Variants in ADGRB3 observed in about 807,000 individuals in gnomAD.
The protein encoded by ADGRB3 is adhesion G protein-coupled receptor B3, also known as brain-specific angiogenesis inhibitor 3.
A neutral mutation model predicts 193.4 loss-of-function variants in ADGRB3; 37 were observed. The observed-to-expected ratio is 0.19, with a 90% CI of 0.15 to 0.25. The LOEUF is 0.25. ADGRB3 is among the 10% of genes least tolerant of loss of function. The pLI is 1.00. For missense variants in ADGRB3, 1,637 were observed against 1,852.9 expected (o/e 0.88, Z 2.14); for synonymous variants, 690 against 644.2 (o/e 1.07, Z -1.08).
At chr6:69,049,556 C>T (rs1771334083) in intron 15 of ADGRB3, among the ~76,000 whole-genome samples, 1 of 151,886 alleles carries the variant, frequency 6.6e-6, no homozygotes, top group Admixed American at 6.6e-5. Flanking sequence ...TGACTGTAGC[C>T]CTGCAAATTC....
At chr6:69,125,755 T>C (rs1334283682) in intron 17 of ADGRB3, among the ~76,000 whole-genome samples, 2 of 152,242 alleles carry the variant, frequency 1.3e-5, no homozygotes, top group East Asian at 1.9e-4. Context: ...TTATTTAATT[T>C]ATTTAATGAA....
At chr6:69,024,420 G>A (rs1770365740) in intron 13 of ADGRB3, among the ~76,000 whole-genome samples, 2 of 152,152 alleles carry the variant, frequency 1.3e-5, no homozygotes, top group Admixed American at 1.3e-4. Flanking sequence ...AGCTCTTTAT[G>A]TGGTTTCAAT....
chr6:69,220,592 T>C (rs189721182), intron 17 of ADGRB3, among the ~76,000 whole-genome samples: 52 of 152,200 alleles, frequency 3.4e-4, no homozygotes, highest in Non-Finnish European at 6.2e-4. Flanking sequence ...CTCACTAAGA[T>C]AGAATCACCT....
At chr6:69,022,724 G>T (rs922167044) in intron 13 of ADGRB3, among the ~76,000 whole-genome samples, 5 of 151,844 alleles carry the variant, frequency 3.3e-5, no homozygotes, top group African/African-American at 1.2e-4. Context: ...AAAGTATTTG[G>T]ATTTCTTTTG....
At chr6:68,958,763 C>A (rs1768147701) in intron 8 of ADGRB3, among the ~76,000 whole-genome samples, 1 of 151,614 alleles carries the variant, frequency 6.6e-6, no homozygotes, top group South Asian at 2.1e-4. Context: ...ATGAAAATAA[C>A]CATAAATTAC....
At chr6:69,147,608 T>C (rs1054871531) in intron 17 of ADGRB3, among the ~76,000 whole-genome samples, 4 of 152,208 alleles carry the variant, frequency 2.6e-5, no homozygotes, top group Admixed American at 1.3e-4. Context: ...AAGAAGAATG[T>C]GCATTCTGCA....
chr6:68,856,826 G>C (rs1988054), intron 3 of ADGRB3, among the ~76,000 whole-genome samples: 133,043 of 152,228 alleles, frequency 0.87, 58,399 homozygotes, highest in Middle Eastern at 0.95. Flanking sequence ...CAGAGGTCTT[G>C]ACAGCAGCCC....
At chr6:69,030,956 T>TTTTCTTTTC (rs58901577) in intron 13 of ADGRB3, among the ~76,000 whole-genome samples, 3,260 of 72,460 alleles carry the variant, frequency 0.045, 916 homozygotes, top group African/African-American at 0.11. Flanking sequence ...TTCTTTTCTT[T>TTTTCTTTTC]TTTTCTTTTC....
At chr6:69,377,685 A>G (rs1769858724) in intron 30 of ADGRB3, among the ~76,000 whole-genome samples, 1 of 152,070 alleles carries the variant, frequency 6.6e-6, no homozygotes, top group Non-Finnish European at 1.5e-5. Context: ...AGATTCTCCA[A>G]CTTTCTCTAA....
In ADGRB3 at chr6:68,638,763, T is replaced by G; in HGVS notation, c.88T>G (p.Cys30Gly). ...ATTTAATGCTGCCCAAGACTTCTGG[T>G]GTTCAACTTTGGTGAAGGGAGTCAT... ...FGFNAAQDFW[C>G]STLVKGVIYG... Residue 30 changes from cysteine (C) to glycine (G), a missense_variant, in exon 3 of 32, where the codon TGT (cysteine) becomes GGT (glycine). Coordinates refer to ENST00000370598, the MANE Select transcript of ADGRB3 (RefSeq NM_001704.3). The G allele has an allele frequency of 1.2e-6, 2 of 1,614,166 alleles. No individual in the cohort carries two copies. Among genetic ancestry groups the G allele is most frequent in the Non-Finnish European group, 1.7e-6 (2 of 1,180,020 alleles).
intron 3 of ADGRB3, among the ~76,000 whole-genome samples, chr6:68,788,964 C>G (rs1302886881): frequency 6.6e-6 from 1 of 152,172 alleles, no homozygotes; most frequent in Non-Finnish European, 1.5e-5. Context: ...TTAGCAGAGA[C>G]TGGGATTGCA....
chr6:69,306,041 T>G (rs991615706), intron 20 of ADGRB3, among the ~76,000 whole-genome samples: 3 of 151,534 alleles, frequency 2.0e-5, no homozygotes, highest in African/African-American at 4.9e-5. Flanking sequence ...ATAGATTATA[T>G]GCAAATACTA....
intron 3 of ADGRB3, among the ~76,000 whole-genome samples, chr6:68,694,900 A>G (rs961116024): frequency 2.0e-5 from 3 of 151,878 alleles, no homozygotes; most frequent in Non-Finnish European, 4.4e-5. Context: ...TTATGTCTCT[A>G]TGGGTTTAGG....
At chr6:69,020,678 A>G (rs1770237437) in intron 13 of ADGRB3, among the ~76,000 whole-genome samples, 2 of 151,932 alleles carry the variant, frequency 1.3e-5, no homozygotes, top group Non-Finnish European at 2.9e-5. Flanking sequence ...AATTATCCAT[A>G]TTAAAAGTTA....
At chr6:69,278,477 TC>T (rs200295132) in intron 20 of ADGRB3, among the ~76,000 whole-genome samples, 7 of 152,090 alleles carry the variant, frequency 4.6e-5, no homozygotes, top group African/African-American at 7.2e-5. Context: ...TGTACATTAT[TC>T]CCCCCCATTG....
chr6:68,651,977 G>T lies in ADGRB3; in HGVS notation c.757+12545G>T, dbSNP rs553649501. 3.9e-5 allele frequency among the ~76,000 whole-genome samples: 6 copies of T among 152,126 alleles called. No homozygotes were observed. The South Asian group carries it at 1.2e-3, about 32-fold the overall frequency. ...TGTCAGTTTGTTCCTACTGTGTTTT[G>T]CTTAGAACAAAATTCATAATTTATC... On this transcript the variant is annotated intron_variant, in intron 3 of 31. Transcript: ENST00000370598.
Position 68,700,856 on chromosome 6 carries a change from G to T in ADGRB3, c.757+61424G>T, listed in dbSNP as rs533852111. 1.7e-4 allele frequency among the ~76,000 whole-genome samples: 25 copies of T among 151,010 alleles called. No individual in the cohort carries two copies. The South Asian group carries it at 4.9e-3, about 29-fold the overall frequency. On this transcript the variant is annotated intron_variant, in intron 3 of 31. Coordinates refer to ENST00000370598, the MANE Select transcript of ADGRB3 (RefSeq NM_001704.3). ...GGAGGGGGGAGGGATAGCATTAGGAGATATACCTAATGTAAATGATGAGTT... is the reference window on the plus strand; with the variant it reads ...GGAGGGGGGAGGGATAGCATTAGGATATATACCTAATGTAAATGATGAGTT...
At chr6:69,230,937 A>G (rs992007212) in intron 17 of ADGRB3, among the ~76,000 whole-genome samples, 1 of 152,238 alleles carries the variant, frequency 6.6e-6, no homozygotes, top group African/African-American at 2.4e-5. Flanking sequence ...AGTGAGGGGA[A>G]TATAGTTCTA....
At chr6:69,326,482 G>T (rs143956704) in intron 21 of ADGRB3, among the ~76,000 whole-genome samples, 131 of 152,194 alleles carry the variant, frequency 8.6e-4, no homozygotes, top group African/African-American at 3.0e-3. Flanking sequence ...TATTACTAAA[G>T]ATTTTGAGGA....
Sources: allele counts gnomAD v4.1 joint callset (sites outside exome capture counted in the v4.1 genomes callset), GRCh38; gene constraint gnomAD v4.1.1; transcripts MANE v1.5; gene names NCBI Gene and HGNC (gene_info 2026-07-23, HGNC 2026-07-21).